Variants in DTWD2 observed in about 807,000 individuals in gnomAD.
DTWD2 encodes the protein DTW motif tRNA-uridine aminocarboxypropyltransferase 2.
A neutral mutation model predicts 31.8 loss-of-function variants in DTWD2; 39 were observed. The observed-to-expected ratio is 1.22, with a 90% CI of 0.95 to 1.60. The LOEUF (loss-of-function observed/expected upper bound fraction) is 1.60, where lower values mean the gene tolerates loss of function less well. Ranked by LOEUF, DTWD2 falls within the 40% of genes most tolerant of loss-of-function variation. The pLI is 0.00. For missense variants in DTWD2, 515 were observed against 381.5 expected, an observed-to-expected ratio of 1.35 and a Z score of -2.92; for synonymous variants, 180 against 142.8, an observed-to-expected ratio of 1.26 and a Z score of -1.86.
chr5:118,895,955 A>G (rs2149562748), intron 4 of DTWD2, among the ~76,000 whole-genome samples: 1 of 152,308 alleles, frequency 6.6e-6, no homozygotes, highest in East Asian at 1.9e-4. Context: ...AATTCATACA[A>G]AACTATTTTC....
chr5:118,985,120 T>C (rs183087094), intron 1 of DTWD2, among the ~76,000 whole-genome samples: 18 of 152,112 alleles, frequency 1.2e-4, no homozygotes, highest in African/African-American at 4.3e-4. Flanking sequence ...TGCAGCCTCG[T>C]CTCTCACCAC....
At chr5:118,914,279 C>T (rs73239053) in intron 4 of DTWD2, among the ~76,000 whole-genome samples, 1 of 151,988 alleles carries the variant, frequency 6.6e-6, no homozygotes, top group Non-Finnish European at 1.5e-5. Context: ...TCTAGGAGTG[C>T]GTTCTTTCTC....
chr5:118,978,249 T>C (rs1755211718), intron 1 of DTWD2, among the ~76,000 whole-genome samples: 1 of 151,940 alleles, frequency 6.6e-6, no homozygotes. Context: ...GACGTAAATG[T>C]AAAACCCAAA....
chr5:118,939,801 G>T (rs1422047175), intron 2 of DTWD2, among the ~76,000 whole-genome samples: 1 of 152,126 alleles, frequency 6.6e-6, no homozygotes, highest in Non-Finnish European at 1.5e-5. Context: ...AAGGGACACA[G>T]AAGCCAATCT....
At chr5:118,945,448 A>G (rs901005976) in intron 1 of DTWD2, among the ~76,000 whole-genome samples, 4 of 152,116 alleles carry the variant, frequency 2.6e-5, no homozygotes, top group Non-Finnish European at 4.4e-5. Context: ...ATTAAATACT[A>G]TATTTGGTAT....
chr5:118,936,867 C>T (rs1012593438), intron 3 of DTWD2, among the ~76,000 whole-genome samples: 11 of 151,952 alleles, frequency 7.2e-5, no homozygotes, highest in Non-Finnish European at 4.4e-5. Context: ...AAAGAAAAGA[C>T]ACAAATTACC....
intron 1 of DTWD2, among the ~76,000 whole-genome samples, chr5:118,954,898 C>T (rs1754551007): frequency 1.3e-5 from 2 of 152,046 alleles, no homozygotes; most frequent in South Asian, 2.1e-4. Flanking sequence ...CTATCCCATT[C>T]GTTAATTTTT....
At chr5:118,851,620 A>T (rs1359949132) in intron 4 of DTWD2, among the ~76,000 whole-genome samples, 1 of 147,916 alleles carries the variant, frequency 6.8e-6, no homozygotes, top group Non-Finnish European at 1.5e-5. Flanking sequence ...ACATCTTAAC[A>T]GAAAACAGCG....
At chr5:118,958,582 GAC>G (rs1754641384) in intron 1 of DTWD2, among the ~76,000 whole-genome samples, 1 of 69,302 alleles carries the variant, frequency 1.4e-5, no homozygotes, top group Non-Finnish European at 2.8e-5. Flanking sequence ...CCCACAGAAA[GAC>G]AAAAAAAAAA....
At chr5:118,921,152 T>A (rs1753693895) in intron 4 of DTWD2, among the ~76,000 whole-genome samples, 1 of 151,596 alleles carries the variant, frequency 6.6e-6, no homozygotes. Context: ...GAGATAAGCC[T>A]CCTAGCTGTG....
chr5:118,882,811 C>G (rs1399082346), intron 4 of DTWD2, among the ~76,000 whole-genome samples: 1 of 152,240 alleles, frequency 6.6e-6, no homozygotes, highest in Non-Finnish European at 1.5e-5. Flanking sequence ...CTGGGGCCAG[C>G]CCACAAAACC....
At chr5:118,945,972 AT>A (rs1454666301) in intron 1 of DTWD2, among the ~76,000 whole-genome samples, 3 of 152,128 alleles carry the variant, frequency 2.0e-5, no homozygotes, top group African/African-American at 7.2e-5. Context: ...TCTTTCCTCA[AT>A]TTTACTTATT....
At chr5:118,930,357 G>A (rs1287675970) in intron 3 of DTWD2, among the ~76,000 whole-genome samples, 2 of 152,118 alleles carry the variant, frequency 1.3e-5, no homozygotes, top group African/African-American at 2.4e-5. Context: ...AAGGGGAAAG[G>A]AGACAAATTA....
chr5:118,864,253 T>A (rs941303760), intron 4 of DTWD2, among the ~76,000 whole-genome samples: 1 of 149,534 alleles, frequency 6.7e-6, no homozygotes, highest in African/African-American at 2.5e-5. Flanking sequence ...AACTGGAAAT[T>A]ATCATTCTCA....
At chr5:118,860,329 TTTAAA>T (rs1224848899) in intron 4 of DTWD2, among the ~76,000 whole-genome samples, 1 of 151,200 alleles carries the variant, frequency 6.6e-6, no homozygotes, top group Non-Finnish European at 1.5e-5. Flanking sequence ...GCACTTTTCA[TTTAAA>T]TTACTCTTAA....
chr5:118,864,630 T>A (rs1242599173), intron 4 of DTWD2, among the ~76,000 whole-genome samples: 3 of 146,774 alleles, frequency 2.0e-5, no homozygotes, highest in Admixed American at 6.6e-5. Context: ...TTTCTTTTTT[T>A]ATTTTATTTT....
intron 1 of DTWD2, chr5:118,974,750 T>C (rs1755108016): frequency 7.3e-6 from 3 of 409,000 alleles, no homozygotes; most frequent in East Asian, 1.2e-4. Flanking sequence ...GTTTGATGTA[T>C]GTGTGAAACA....
chr5:118,938,589 C>A (rs2149583660), intron 3 of DTWD2, among the ~76,000 whole-genome samples: 1 of 152,134 alleles, frequency 6.6e-6, no homozygotes, highest in Non-Finnish European at 1.5e-5. Context: ...TGGCTCATGC[C>A]TGTAGTCCCA....
At chr5:118,859,763 G>T (rs761025130) in intron 4 of DTWD2, among the ~76,000 whole-genome samples, 2 of 152,022 alleles carry the variant, frequency 1.3e-5, no homozygotes, top group Non-Finnish European at 2.9e-5. Flanking sequence ...TCCCTCATAG[G>T]TAACATTTTT....
Sources: allele counts gnomAD v4.1 joint callset (sites outside exome capture counted in the v4.1 genomes callset), GRCh38; gene constraint gnomAD v4.1.1; transcripts MANE v1.5; gene names NCBI Gene and HGNC (gene_info 2026-07-23, HGNC 2026-07-21).